ATP2C2: variants seen among roughly 807,000 people sequenced by gnomAD.
ATP2C2 encodes the protein ATPase secretory pathway Ca2+ transporting 2.
In ATP2C2, 171 loss-of-function variants were observed where a neutral mutation model predicts 110.8. The observed-to-expected ratio is 1.54, with a 90% CI of 1.36 to 1.75. The LOEUF is 1.75. Among genes scored for constraint, ATP2C2 ranks in the 40% most tolerant of loss-of-function variants. The probability of loss-of-function intolerance (pLI) is 0.00; values close to 1 mark genes in which losing one functional copy is unlikely to be tolerated. For missense variants in ATP2C2, 1,963 were observed against 1,235.0 expected (o/e 1.59, Z -8.84); for synonymous variants, 804 against 508.4 (o/e 1.58, Z -7.82).
intron 1 of ATP2C2, 130 bp from the exon 2 acceptor site, chr16:84,398,369 G>A (rs532280861): frequency 1.5e-4 from 67 of 441,174 alleles, no homozygotes; most frequent in Middle Eastern, 6.8e-4. Flanking sequence ...TCATGACACT[G>A]CACTCCAGCC....
intron 22 of ATP2C2, 30 bp from the exon 23 acceptor site, chr16:84,459,240 G>C: frequency 6.2e-7 from 1 of 1,614,044 alleles, no homozygotes; most frequent in Non-Finnish European, 8.5e-7. Flanking sequence ...CCTGGCGGGC[G>C]GCCGCTGACT....
At chr16:84,398,646 A>T in intron 2 of ATP2C2, 37 bp downstream of exon 2, 1 of 1,519,308 alleles carries the variant, frequency 6.6e-7, no homozygotes, top group Non-Finnish European at 9.0e-7. Context: ...TAATTGTGAT[A>T]AGGTTTTATG....
chr16:84,458,288 G>T (rs1476569683), intron 21 of ATP2C2, among the ~76,000 whole-genome samples: 2 of 104,564 alleles, frequency 1.9e-5, no homozygotes, highest in East Asian at 5.2e-4. Context: ...GGTGGGAATT[G>T]AACAATGAGA....
At position 84,453,246 on chromosome 16, in the gene ATP2C2, G is replaced by A. The variant is rs199536868; in HGVS notation, c.1929+11G>A. On this transcript the variant is annotated intron_variant, in intron 19 of 26. Transcript: ENST00000262429. ...GACCGCGTGGGGAAGGTGGGTCCCC[G>A]GAGGCTTGGCTGGCAGTGGGGCTGG... 73 of 1,614,064 alleles carry A rather than the reference G, an allele frequency of 4.5e-5. No homozygotes were observed. Among genetic ancestry groups the A allele is most frequent in the Admixed American group, 2.8e-4 (17 of 60,030 alleles).
intron 16 of ATP2C2, among the ~76,000 whole-genome samples, chr16:84,447,703 TAATA>T (rs1909877094): frequency 7.1e-6 from 1 of 141,768 alleles, no homozygotes; most frequent in Non-Finnish European, 1.6e-5. Context: ...ATATATTATG[TAATA>T]TATATTATAA....
intron 1 of ATP2C2, among the ~76,000 whole-genome samples, chr16:84,376,149 T>A (rs1176172869): frequency 6.6e-6 from 1 of 152,140 alleles, no homozygotes; most frequent in Non-Finnish European, 1.5e-5. Context: ...CCCTTGCGGC[T>A]TCCCAACACA....
At chr16:84,373,479 G>C (rs183702001) in intron 1 of ATP2C2, among the ~76,000 whole-genome samples, 1 of 150,138 alleles carries the variant, frequency 6.7e-6, no homozygotes, top group East Asian at 1.9e-4. Flanking sequence ...CAGCCTGGGT[G>C]ACAGAGCGAG....
rs1469805443 is a variant in ATP2C2, at chr16:84,451,883, C to T, written c.1661-38C>T. The T allele has an allele frequency of 3.8e-6, 6 of 1,576,308 alleles. No individual in the cohort carries two copies. The East Asian group carries it at 6.7e-5, about 18-fold the overall frequency. ...ACAACAAAAAACGACGGCCCCTAAG[C>T]CCCCGGTGACCCCTCCTTACTCCCC... On this transcript the variant is annotated intron_variant, in intron 17 of 26. Transcript: ENST00000262429.
intron 21 of ATP2C2, among the ~76,000 whole-genome samples, chr16:84,458,648 C>T (rs4782969): frequency 0.27 from 41,739 of 152,160 alleles, 5,933 homozygotes; most frequent in Middle Eastern, 0.34. Context: ...AAAGGGCTTC[C>T]GCGAAGAGCC....
chr16:84,459,575 C>G lies in ATP2C2; in HGVS notation c.2333+189C>G, dbSNP rs1280733874. ...GAGTAGAAGGCAGAGGAGAAAGTAC[C>G]TGGGCCGGCAGAGCTGGGTGAGGAT... is the stretch of plus-strand genomic sequence containing the variant. On this transcript the variant is annotated intron_variant, in intron 23 of 26. Coordinates refer to ENST00000262429, the MANE Select transcript of ATP2C2 (RefSeq NM_014861.4). 3 of 1,536,286 alleles carry G rather than the reference C, an allele frequency of 2.0e-6. No homozygotes were observed. The East Asian group carries it at 7.3e-5, about 38-fold the overall frequency.
chr16:84,415,690 C>G, intron 7 of ATP2C2, 99 bp downstream of exon 7: 5 of 953,976 alleles, frequency 5.2e-6, no homozygotes, highest in Non-Finnish European at 7.9e-6. Flanking sequence ...CTCTCATACA[C>G]ACATGCTCAA....
At chr16:84,434,753 AG>A (rs1202511411) in intron 11 of ATP2C2, among the ~76,000 whole-genome samples, 1 of 151,966 alleles carries the variant, frequency 6.6e-6, no homozygotes, top group Non-Finnish European at 1.5e-5. Flanking sequence ...CCTGACCTCA[AG>A]TGTTCCATCC....
Position 84,425,810 on chromosome 16 carries a change from G to C in ATP2C2, c.986+9G>C, listed in dbSNP as rs772895785. On this transcript the variant is annotated intron_variant, in intron 11 of 26. Transcript: ENST00000262429. ...TTCACGATCGGGGTCAGGTAAGAGT[G>C]CTATGGCCGCCCCTTGCCTTGCCAG... 18 of 1,613,864 alleles carry C rather than the reference G, an allele frequency of 1.1e-5. 1 individual carries two copies. In the South Asian group the frequency reaches 1.9e-4, roughly 17 times the overall value.
rs767901576 is a variant in ATP2C2, at chr16:84,440,967, C to T, written c.1311+9C>T. The T allele has an allele frequency of 6.3e-7, 1 of 1,598,860 alleles. No homozygotes were observed. The highest frequency in any genetic ancestry group is 8.6e-7 in the Non-Finnish European group (1 of 1,168,552). ...TGGGAAAGTTAGTGGAGGTAGGTGTCAAAAGCGCCATGAGGGAAATAGGCA... is the reference window on the plus strand; with the variant it reads ...TGGGAAAGTTAGTGGAGGTAGGTGTTAAAAGCGCCATGAGGGAAATAGGCA... On this transcript the variant is annotated intron_variant, in intron 14 of 26. Transcript: ENST00000262429.
At chr16:84,407,738 C>A (rs1257380887) in intron 3 of ATP2C2, among the ~76,000 whole-genome samples, 1 of 152,156 alleles carries the variant, frequency 6.6e-6, no homozygotes, top group Non-Finnish European at 1.5e-5. Flanking sequence ...TCCCAAAGGG[C>A]TGGGATTACA....
chr16:84,435,800 C>T (rs1038781912), intron 11 of ATP2C2, among the ~76,000 whole-genome samples: 2 of 151,130 alleles, frequency 1.3e-5, no homozygotes, highest in African/African-American at 4.9e-5. Flanking sequence ...GCACTCCAGC[C>T]TGGGCGACAG....
rs141535103 is a variant in ATP2C2 at position 84,378,813 on chromosome 16, G to A, written c.99+10099G>A. 3.1e-4 allele frequency among the ~76,000 whole-genome samples: 47 copies of A among 152,332 alleles called. No homozygotes were observed. In the East Asian group the frequency reaches 4.8e-3, roughly 16 times the overall value. On this transcript the variant is annotated intron_variant, in intron 1 of 26. Transcript: ENST00000262429. The stretch of plus-strand genomic sequence containing the variant: ...GAGATTGAGCAAAGTGCAGGCTGCC[G>A]TGGACACACGAAGCCATGAACGTGG...
chr16:84,443,380 A>C (rs931715674), intron 15 of ATP2C2, among the ~76,000 whole-genome samples: 3 of 151,936 alleles, frequency 2.0e-5, no homozygotes, highest in African/African-American at 7.3e-5. Context: ...CCTTTCCCCG[A>C]CCCGCTCCGT....
chr16:84,419,451 G>A (rs1194151738), intron 7 of ATP2C2, among the ~76,000 whole-genome samples: 2 of 152,028 alleles, frequency 1.3e-5, no homozygotes, highest in Admixed American at 6.5e-5. Flanking sequence ...GGCCCACCCC[G>A]GTCACGCAGA....
Sources: allele counts gnomAD v4.1 joint callset (sites outside exome capture counted in the v4.1 genomes callset), GRCh38; gene constraint gnomAD v4.1.1; transcripts MANE v1.5; gene names NCBI Gene and HGNC (gene_info 2026-07-23, HGNC 2026-07-21).